Variants in STAT3 observed in about 807,000 individuals in gnomAD.
STAT3 encodes the protein signal transducer and activator of transcription 3.
STAT3 carries 7 observed loss-of-function variants against 114.3 expected under a neutral mutation model. The ratio of observed to expected loss-of-function variants is 0.06; its 90% CI spans 0.03 to 0.11. The LOEUF is 0.11. Ranked by LOEUF, STAT3 falls within the 10% of genes least tolerant of loss-of-function variation. The pLI is 1.00. For synonymous variants in STAT3, 331 were observed against 354.5 expected (o/e 0.93, Z 0.74); for missense variants, 364 against 960.9 (o/e 0.38, Z 8.21).
At chr17:42,368,662 G>A (rs1407530050) in intron 1 of STAT3, among the ~76,000 whole-genome samples, 5 of 150,458 alleles carry the variant, frequency 3.3e-5, no homozygotes, top group African/African-American at 9.8e-5. Flanking sequence ...GTTTCTCCAC[G>A]TTAGCCAAGC....
rs574293826 is a variant in STAT3, at chr17:42,343,515, C to T, written c.372+2044G>A. On this transcript the variant is annotated intron_variant, in intron 4 of 23. Coordinates refer to ENST00000264657, the MANE Select transcript of STAT3 (RefSeq NM_139276.3). ...GCTCTGTCGCCCAGGAGTGCAGTGG[C>T]GCAATCTTGGTTCACTACAACCTCC... Among the ~76,000 whole-genome samples the T allele has an allele frequency of 5.7e-5, 8 of 141,016 alleles. No individual in the cohort carries two copies. The South Asian group carries it at 1.3e-3, about 24-fold the overall frequency. 92.5% of individuals were successfully genotyped at this position (141,016 alleles called of 152,430 possible).
At chr17:42,325,147 A>T in intron 15 of STAT3, 86 bp from the exon 16 acceptor site, 4 of 1,325,288 alleles carry the variant, frequency 3.0e-6, no homozygotes, top group Non-Finnish European at 4.3e-6. Flanking sequence ...CACGGGGCTC[A>T]GAATGAAAGG....
At chr17:42,382,564 C>A (rs1242140484) in intron 1 of STAT3, among the ~76,000 whole-genome samples, 1 of 152,190 alleles carries the variant, frequency 6.6e-6, no homozygotes, top group East Asian at 1.9e-4. Context: ...GACAATATTT[C>A]ATTATCCTTG....
At chr17:42,360,252 C>T (rs1351351752) in intron 1 of STAT3, among the ~76,000 whole-genome samples, 1 of 150,860 alleles carries the variant, frequency 6.6e-6, no homozygotes, top group Non-Finnish European at 1.5e-5. Context: ...AGGCTGGTCT[C>T]GAACTCCTAG....
At chr17:42,334,107 G>C in intron 8 of STAT3, 58 bp from the exon 9 acceptor site, 1 of 1,602,152 alleles carries the variant, frequency 6.2e-7, no homozygotes, top group Non-Finnish European at 8.5e-7. Flanking sequence ...AGGTGAGATG[G>C]AGAAGGGGAA....
intron 3 of STAT3, among the ~76,000 whole-genome samples, chr17:42,346,046 A>T (rs566379005): frequency 3.3e-5 from 5 of 151,870 alleles, no homozygotes; most frequent in South Asian, 2.1e-4. Flanking sequence ...GCTAGTTTTT[A>T]AAAAAAATTT....
chr17:42,330,751 C>T (rs1478692750), intron 11 of STAT3, among the ~76,000 whole-genome samples: 2 of 151,914 alleles, frequency 1.3e-5, no homozygotes, highest in South Asian at 2.1e-4. Flanking sequence ...TTTCTAATGT[C>T]GTCAAAGGGT....
intron 4 of STAT3, among the ~76,000 whole-genome samples, chr17:42,343,084 A>C (rs2082516813): frequency 6.7e-6 from 1 of 149,222 alleles, no homozygotes; most frequent in African/African-American, 2.5e-5. Flanking sequence ...AGGCAGGAGG[A>C]TCGCTAGGGC....
chr17:42,334,439 CTTT>C (rs56055491), intron 8 of STAT3, among the ~76,000 whole-genome samples: 19 of 70,214 alleles, frequency 2.7e-4, no homozygotes, highest in African/African-American at 8.2e-4. Flanking sequence ...TGCGCCTGGC[CTTT>C]TTTTTTTTTT....
At chr17:42,346,103 T>A (rs2082689487) in intron 3 of STAT3, among the ~76,000 whole-genome samples, 1 of 152,026 alleles carries the variant, frequency 6.6e-6, no homozygotes, top group Non-Finnish European at 1.5e-5. Context: ...GTCTCAAAAC[T>A]CCCAGGCTCA....
rs375846005 is a variant in STAT3 at position 42,337,724 on chromosome 17, C to T, written c.645+39G>A. On this transcript the variant is annotated intron_variant, in intron 7 of 23. Transcript: ENST00000264657. This position sits in a 1 kb window ranked among gnomAD's most constrained non-coding sequence, Gnocchi z 4.0. Reference sequence around the variant, plus strand: ...AAGACGCTGAAATCCCGCAAGTGAGCGAGACACATGGGGGAAGTGGTCCGA... The same window carrying T: ...AAGACGCTGAAATCCCGCAAGTGAGTGAGACACATGGGGGAAGTGGTCCGA... 30 of 1,612,616 alleles carry T rather than the reference C, an allele frequency of 1.9e-5. No individual in the cohort carries two copies. The highest frequency in any genetic ancestry group is 8.0e-5 in the African/African-American group (6 of 74,922).
intron 1 of STAT3, among the ~76,000 whole-genome samples, chr17:42,351,129 C>CAAAAAAAAAAAAAAAAAA (rs139529559): frequency 1.3e-5 from 1 of 77,272 alleles, no homozygotes. Context: ...GACTCCATCT[C>CAAAAAAAAAAAAAAAAAA]AAAAAAAAAA....
chr17:42,315,394 C>G lies in STAT3; in HGVS notation c.*351G>C. 2.2e-6 allele frequency: 1 copy of G among 453,822 alleles called. No individual in the cohort carries two copies. The highest frequency in any genetic ancestry group is 4.1e-6 in the Non-Finnish European group (1 of 246,328). 28.1% of individuals were successfully genotyped at this position (453,822 alleles called of 1,614,324 possible). On this transcript the variant is annotated 3_prime_UTR_variant, in exon 24 of 24. Coordinates refer to ENST00000264657, the MANE Select transcript of STAT3 (RefSeq NM_139276.3). Reference sequence around the variant, plus strand: ...GCACCAGGAGGCACTTGTCTAAGAACAACAACAACAATAACAAAAAGCTGC... The same window carrying G: ...GCACCAGGAGGCACTTGTCTAAGAAGAACAACAACAATAACAAAAAGCTGC...
Position 42,316,917 on chromosome 17 carries a change from G to A in STAT3, c.2145-16C>T. On this transcript the variant is annotated splice_polypyrimidine_tract_variant and intron_variant, in intron 22 of 23. Coordinates refer to ENST00000264657, the MANE Select transcript of STAT3 (RefSeq NM_139276.3). ...GCAGGTCGTTCTGTAGGAAATGGGG[G>A]GCAGCAGGAGGGGAAACGGGGGGTT... is the stretch of plus-strand genomic sequence containing the variant. 6.2e-7 allele frequency: 1 copy of A among 1,605,800 alleles called. No homozygotes were observed. The highest frequency in any genetic ancestry group is 8.5e-7 in the Non-Finnish European group (1 of 1,175,006).
chr17:42,368,814 G>C (rs548970089), intron 1 of STAT3, among the ~76,000 whole-genome samples: 1 of 151,654 alleles, frequency 6.6e-6, no homozygotes, highest in Non-Finnish European at 1.5e-5. Context: ...TGTCAGAGGG[G>C]TTTGTTGTAC....
At chr17:42,346,309 G>GTTAACATGCTAACATGTATGA (rs2082698946) in intron 3 of STAT3, among the ~76,000 whole-genome samples, 1 of 152,122 alleles carries the variant, frequency 6.6e-6, no homozygotes, top group Non-Finnish European at 1.5e-5. Context: ...AGTGGACCGC[G>GTTAACATGCTAACATGTATGA]TTAACATGCT....
chr17:42,366,624 T>C (rs2083807121), intron 1 of STAT3, among the ~76,000 whole-genome samples: 1 of 140,362 alleles, frequency 7.1e-6, no homozygotes, highest in African/African-American at 2.7e-5. Context: ...TAAGCTGAGA[T>C]TGCACCACTG....
intron 1 of STAT3, among the ~76,000 whole-genome samples, chr17:42,361,033 C>T (rs1288671701): frequency 6.6e-6 from 1 of 152,152 alleles, no homozygotes; most frequent in Non-Finnish European, 1.5e-5. Flanking sequence ...TAGAACCTGT[C>T]TCCTCACAAC....
chr17:42,325,754 G>C (rs1245061367), intron 15 of STAT3, among the ~76,000 whole-genome samples: 1 of 152,052 alleles, frequency 6.6e-6, no homozygotes, highest in Admixed American at 6.6e-5. Context: ...AGTAGAGACG[G>C]GGTTTCGTCA....
Sources: gnomAD v4.1 joint callset for allele counts (sites outside exome capture counted in the v4.1 genomes callset) on GRCh38, gnomAD v4.1.1 for gene constraint, Gnocchi (gnomAD v3.1) non-coding constraint, MANE v1.5 for transcripts, NCBI Gene and HGNC (gene_info 2026-07-23, HGNC 2026-07-21) for gene names.